Variants in ANKRD11 observed in about 807,000 individuals in gnomAD.
The protein encoded by ANKRD11 is ankyrin repeat domain 11.
Under a neutral mutation model 195.7 loss-of-function variants are expected in ANKRD11, and 17 were observed. The ratio of observed to expected loss-of-function variants is 0.09; its 90% CI spans 0.06 to 0.13. The LOEUF (loss-of-function observed/expected upper bound fraction) is 0.13, where lower values mean the gene tolerates loss of function less well. Among genes scored for constraint, ANKRD11 ranks in the 10% least tolerant of loss-of-function variants. The pLI is 1.00. For synonymous variants in ANKRD11, 1,953 were observed against 1,528.1 expected, an observed-to-expected ratio of 1.28 and a Z score of -6.49; for missense variants, 3,735 against 3,566.1, an observed-to-expected ratio of 1.05 and a Z score of -1.21.
At chr16:89,289,505 G>A (rs930618574) in intron 6 of ANKRD11, among the ~76,000 whole-genome samples, 2 of 152,186 alleles carry the variant, frequency 1.3e-5, no homozygotes, top group Non-Finnish European at 2.9e-5. Context: ...TTAAGCCCCT[G>A]GGCCGTATCA....
chr16:89,468,496 G>C (rs984094652), intron 1 of ANKRD11, among the ~76,000 whole-genome samples: 5 of 152,218 alleles, frequency 3.3e-5, no homozygotes, highest in African/African-American at 7.2e-5. Context: ...CTTGAGGCCA[G>C]AAGTTTAAGA....
intron 2 of ANKRD11, among the ~76,000 whole-genome samples, chr16:89,326,239 C>A (rs924955252): frequency 1.3e-5 from 2 of 152,052 alleles, no homozygotes; most frequent in East Asian, 1.9e-4. Context: ...CCAAGGCTTG[C>A]GAGGGTGGAA....
chr16:89,487,120 G>C (rs1158442093), intron 1 of ANKRD11, among the ~76,000 whole-genome samples: 1 of 151,976 alleles, frequency 6.6e-6, no homozygotes, highest in Non-Finnish European at 1.5e-5. Context: ...TTTCTATAAA[G>C]TTTATCAAAC....
At chr16:89,463,059 GCC>G (rs377250138) in intron 1 of ANKRD11, among the ~76,000 whole-genome samples, 1 of 145,614 alleles carries the variant, frequency 6.9e-6, no homozygotes, top group African/African-American at 2.5e-5. Context: ...GGGGGGGTCA[GCC>G]CCCCCGCCCG....
intron 1 of ANKRD11, among the ~76,000 whole-genome samples, chr16:89,436,124 T>G (rs1253571410): frequency 1.3e-5 from 2 of 152,116 alleles, no homozygotes; most frequent in Non-Finnish European, 2.9e-5. Context: ...TATTAAAACA[T>G]GATAATTCGG....
chr16:89,271,279 C>T, intron 11 of ANKRD11: 2 of 344,070 alleles, frequency 5.8e-6, no homozygotes, highest in South Asian at 4.6e-5. Context: ...CGCTTGTTGC[C>T]CAGGCTGGAG....
intron 2 of ANKRD11, among the ~76,000 whole-genome samples, chr16:89,358,781 C>G (rs1044201060): frequency 6.6e-6 from 1 of 152,040 alleles, no homozygotes; most frequent in African/African-American, 2.4e-5. Flanking sequence ...TCCCCTGTGC[C>G]GCTAAAACCC....
Position 89,281,649 on chromosome 16 carries a change from C to A in ANKRD11, c.4893G>T (p.Arg1631=). 1.9e-6 allele frequency: 3 copies of A among 1,614,180 alleles called. No individual in the cohort carries two copies. The highest frequency in any genetic ancestry group is 2.5e-6 in the Non-Finnish European group (3 of 1,180,022). Residue 1631 remains arginine (R), a synonymous_variant, in exon 9 of 13, where the codon CGG becomes CGT. Coordinates refer to ENST00000301030, the MANE Select transcript of ANKRD11 (RefSeq NM_013275.6). The surrounding 1 kb of genome is among the most constrained non-coding windows in gnomAD (Gnocchi z 5.5). The part of the protein sequence containing the change: ...KEKAKPADDG[R]KKGLDIPAKK... The stretch of plus-strand genomic sequence containing the variant: ...TAGCAGGAATGTCCAGACCCTTCTT[C>A]CGCCCGTCGTCTGCCGGCTTCGCCT...
At chr16:89,268,980 A>C (rs2032885795) in intron 12 of ANKRD11, among the ~76,000 whole-genome samples, 1 of 152,226 alleles carries the variant, frequency 6.6e-6, no homozygotes, top group Non-Finnish European at 1.5e-5. Context: ...AGCTTATTAG[A>C]ATCGAACAGC....
At chr16:89,454,127 ACAC>A (rs931677747) in intron 1 of ANKRD11, among the ~76,000 whole-genome samples, 1 of 152,142 alleles carries the variant, frequency 6.6e-6, no homozygotes, top group Non-Finnish European at 1.5e-5. Flanking sequence ...ACCCCCTGGC[ACAC>A]CACAGCCAAC....
chr16:89,338,385 G>A (rs1009651320), intron 2 of ANKRD11, among the ~76,000 whole-genome samples: 1 of 147,452 alleles, frequency 6.8e-6, no homozygotes, highest in African/African-American at 2.5e-5. Flanking sequence ...GGTTTGAAAA[G>A]GGCCTGAGTG....
At chr16:89,342,689 G>A (rs1480604933) in intron 2 of ANKRD11, among the ~76,000 whole-genome samples, 1 of 152,214 alleles carries the variant, frequency 6.6e-6, no homozygotes, top group East Asian at 1.9e-4. Flanking sequence ...ACTTCATGGT[G>A]TAAAAATCTA....
Position 89,281,301 on chromosome 16 carries a change from G to C in ANKRD11, c.5241C>G (p.Pro1747=). 1.9e-6 allele frequency: 3 copies of C among 1,614,174 alleles called. No homozygotes were observed. The highest frequency in any genetic ancestry group is 1.6e-4 in the Middle Eastern group (1 of 6,062). ...AGGCGCTGGTGGGAGCGGTGGGCAC[G>C]GGCGTGGAGTGCTGCGAGTCGGCGC... The part of the protein sequence containing the change: ...FDCADSQHST[P]VPTAPTSACS... The change falls in exon 9 of 13, where the codon CCC becomes CCG. Residue 1747 remains proline, a synonymous_variant. Coordinates refer to ENST00000301030, the MANE Select transcript of ANKRD11 (RefSeq NM_013275.6). This position sits in a 1 kb window ranked among gnomAD's most constrained non-coding sequence, Gnocchi z 5.5.
intron 2 of ANKRD11, among the ~76,000 whole-genome samples, chr16:89,334,144 TAAAAAAAAAA>T (rs869142504): frequency 4.3e-4 from 18 of 41,416 alleles, no homozygotes; most frequent in African/African-American, 1.2e-3. Flanking sequence ...CCCTGTGTTT[TAAAAAAAAAA>T]AAAAAAAAAA....
chr16:89,431,717 G>A (rs2152271438), intron 1 of ANKRD11, among the ~76,000 whole-genome samples: 1 of 152,214 alleles, frequency 6.6e-6, no homozygotes, highest in East Asian at 1.9e-4. Context: ...ACGACGTGCT[G>A]CTGAATCCCA....
chr16:89,288,877 A>G (rs994654964), intron 6 of ANKRD11: 14 of 649,806 alleles, frequency 2.2e-5, no homozygotes, highest in African/African-American at 3.6e-5. Context: ...AGCACGATCC[A>G]TATCTAGCTT....
At chr16:89,414,351 C>T (rs867561602) in intron 2 of ANKRD11, among the ~76,000 whole-genome samples, 14 of 152,090 alleles carry the variant, frequency 9.2e-5, no homozygotes, top group South Asian at 2.1e-4. Flanking sequence ...CCACATGTTG[C>T]AAGGGTCAGC....
At chr16:89,407,680 C>T (rs933163713) in intron 2 of ANKRD11, among the ~76,000 whole-genome samples, 2 of 151,856 alleles carry the variant, frequency 1.3e-5, no homozygotes, top group Admixed American at 1.3e-4. Flanking sequence ...CACACACACA[C>T]ACACATAGAC....
intron 2 of ANKRD11, among the ~76,000 whole-genome samples, chr16:89,377,825 G>A (rs1467703098): frequency 6.6e-6 from 1 of 152,068 alleles, no homozygotes; most frequent in Non-Finnish European, 1.5e-5. Context: ...TACACCAAAT[G>A]CGCCTGCCTC....
Sources: allele counts gnomAD v4.1 joint callset (sites outside exome capture counted in the v4.1 genomes callset), GRCh38; gene constraint gnomAD v4.1.1; non-coding constraint Gnocchi (gnomAD v3.1); transcripts MANE v1.5; gene names NCBI Gene and HGNC (gene_info 2026-07-23, HGNC 2026-07-21).